The following DNAH6 variants were observed in gnomAD, a reference collection of about 807,000 sequenced individuals.
DNAH6 encodes dynein axonemal heavy chain 6, also known as axonemal beta dynein heavy chain 6.
A neutral mutation model predicts 491.4 loss-of-function variants in DNAH6; 340 were observed. The observed-to-expected ratio is 0.69, with a 90% CI of 0.63 to 0.76. The LOEUF is 0.76. Among genes scored for constraint, DNAH6 ranks in the 30% least tolerant of loss-of-function variants. The probability of loss-of-function intolerance (pLI) is 0.00; values close to 1 mark genes in which losing one functional copy is unlikely to be tolerated. For synonymous variants in DNAH6, 1,603 were observed against 1,686.1 expected (o/e 0.95, Z 1.21); for missense variants, 4,443 against 4,972.2 (o/e 0.89, Z 3.20).
chr2:84,477,544 G>T, the DNAH6 span, among the ~76,000 whole-genome samples: 1 of 152,174 alleles, frequency 6.6e-6, no homozygotes. Context: ...TAGTGGGGAT[G>T]GGGGGATAGC....
At chr2:84,706,446 TA>T (rs1696447050) in intron 52 of DNAH6, among the ~76,000 whole-genome samples, 1 of 152,190 alleles carries the variant, frequency 6.6e-6, no homozygotes, top group Non-Finnish European at 1.5e-5. Flanking sequence ...TCTAATTATT[TA>T]AAAATGTAAA....
At chr2:84,471,676 T>C in the DNAH6 span, among the ~76,000 whole-genome samples, 1 of 152,200 alleles carries the variant, frequency 6.6e-6, no homozygotes, top group African/African-American at 2.4e-5. Context: ...TCCCGTTCCA[T>C]GGTCGTACAC....
At chr2:84,568,010 C>A (rs1333771988) in intron 11 of DNAH6, among the ~76,000 whole-genome samples, 1 of 152,044 alleles carries the variant, frequency 6.6e-6, no homozygotes, top group Non-Finnish European at 1.5e-5. Context: ...TAGAGAAATG[C>A]AAATCAAAAC....
chr2:84,621,160 C>G, intron 24 of DNAH6, 31 bp from the exon 25 acceptor site: 1 of 1,548,894 alleles, frequency 6.5e-7, no homozygotes, highest in Non-Finnish European at 8.7e-7. Context: ...CCCACACAAG[C>G]CACTTTATCA....
chr2:84,539,742 G>C (rs1318159158), intron 4 of DNAH6, among the ~76,000 whole-genome samples: 1 of 152,122 alleles, frequency 6.6e-6, no homozygotes, highest in Non-Finnish European at 1.5e-5. Context: ...ATTGACCATA[G>C]AGCACTCTCC....
At chr2:84,808,169 GTA>G (rs1679625108) in intron 71 of DNAH6, among the ~76,000 whole-genome samples, 1 of 148,680 alleles carries the variant, frequency 6.7e-6, no homozygotes, top group African/African-American at 2.5e-5. Flanking sequence ...GTGTGTGTGT[GTA>G]TGCCCTGATA....
chr2:84,750,482 G>A (rs1409749915), intron 63 of DNAH6, among the ~76,000 whole-genome samples: 1 of 152,092 alleles, frequency 6.6e-6, no homozygotes, highest in Non-Finnish European at 1.5e-5. Flanking sequence ...ACCATGCCTG[G>A]CCTATGTGGT....
intron 11 of DNAH6, 95 bp from the exon 12 acceptor site, chr2:84,573,372 T>C: frequency 9.6e-7 from 1 of 1,040,158 alleles, no homozygotes; most frequent in Non-Finnish European, 1.4e-6. Flanking sequence ...GGCATAGAGT[T>C]TGTGTGCTTG....
intron 11 of DNAH6, among the ~76,000 whole-genome samples, chr2:84,571,988 T>C (rs1223531626): frequency 6.6e-6 from 1 of 152,090 alleles, no homozygotes; most frequent in Non-Finnish European, 1.5e-5. Context: ...GGTAGAAAAG[T>C]AGACCAGAAC....
rs1319937567 is a variant in DNAH6, at chr2:84,813,986, A to T, written c.12014A>T (p.His4005Leu). Residue 4005 changes from histidine (H) to leucine (L), a missense_variant, in exon 75 of 77, where the codon CAT (histidine) becomes CTT (leucine). Physicochemically the swap from His to Leu is moderately conservative, Grantham distance 99. Around this residue, in one of 3 missense-constraint regions of DNAH6, gnomAD observed 1,463 missense variants for 1,656.6 expected, o/e 0.88. Transcript: ENST00000389394. Reference protein sequence around the residue: ...QGFLTGTLQNHARKYNLPIDE... With the variant: ...QGFLTGTLQNLARKYNLPIDE... ...ACAATTACAGGAACTCTTCAAAATCATGCTCGAAAATACAATTTGCCTATA... is the reference window on the plus strand; with the variant it reads ...ACAATTACAGGAACTCTTCAAAATCTTGCTCGAAAATACAATTTGCCTATA... 39 of 1,551,636 alleles carry T rather than the reference A, an allele frequency of 2.5e-5. No homozygotes were observed. Among genetic ancestry groups the T allele is most frequent in the Non-Finnish European group, 2.9e-5 (33 of 1,147,006 alleles).
At chr2:84,787,476 A>C (rs569043484) in intron 68 of DNAH6, among the ~76,000 whole-genome samples, 174 bp downstream of exon 68, 1 of 152,162 alleles carries the variant, frequency 6.6e-6, no homozygotes, top group Admixed American at 6.5e-5. Context: ...TAAGGACATC[A>C]TGAGAATATT....
intron 18 of DNAH6, among the ~76,000 whole-genome samples, chr2:84,598,372 C>T (rs921962025): frequency 6.6e-6 from 1 of 151,928 alleles, no homozygotes; most frequent in Non-Finnish European, 1.5e-5. Flanking sequence ...TATAGATGTA[C>T]CATAGTTTGT....
At chr2:84,710,437 A>G in intron 56 of DNAH6, 25 bp downstream of exon 56, 1 of 1,550,240 alleles carries the variant, frequency 6.5e-7, no homozygotes, top group East Asian at 2.4e-5. Flanking sequence ...TCCTTTTCTC[A>G]TGTCAGTTCC....
chr2:84,654,729 GA>G lies in DNAH6; in HGVS notation c.5706del (p.Glu1902AspfsTer2). 6.4e-7 allele frequency: 1 copy of G among 1,551,236 alleles called. No individual in the cohort carries two copies. Among genetic ancestry groups the G allele is most frequent in the Non-Finnish European group, 8.7e-7 (1 of 1,146,432 alleles). On this transcript the variant is annotated frameshift_variant, in exon 35 of 77. Coordinates refer to ENST00000389394, the MANE Select transcript of DNAH6 (RefSeq NM_001370.2). LOFTEE classifies it high-confidence loss of function. ...TGGAATGGTGTTTGTGGATCCTGAA[GA>G]ACTGAAATGGATGCCTTATGTTAAA... ...RCGMVFVDPE[E>X]LKWMPYVKTW...
intron 11 of DNAH6, among the ~76,000 whole-genome samples, chr2:84,567,206 G>A (rs919113555): frequency 1.3e-5 from 2 of 152,016 alleles, no homozygotes; most frequent in Non-Finnish European, 2.9e-5. Flanking sequence ...ACATATTATA[G>A]CTGAGGGCTA....
the DNAH6 span, among the ~76,000 whole-genome samples, chr2:84,477,404 T>C: frequency 6.6e-6 from 1 of 152,100 alleles, no homozygotes; most frequent in African/African-American, 2.4e-5. Context: ...TCAGCTTTTT[T>C]CCCAACACTA....
chr2:84,469,737 C>G, the DNAH6 span, among the ~76,000 whole-genome samples: 1 of 152,188 alleles, frequency 6.6e-6, no homozygotes, highest in Non-Finnish European at 1.5e-5. This position sits in a 1 kb window ranked among gnomAD's most constrained non-coding sequence, Gnocchi z 4.0. Flanking sequence ...CTCCCCATGC[C>G]CCACAATCCT....
chr2:84,735,688 G>A (rs1194885141), intron 62 of DNAH6, among the ~76,000 whole-genome samples: 1 of 152,102 alleles, frequency 6.6e-6, no homozygotes, highest in South Asian at 2.1e-4. Flanking sequence ...CTTTAGAGAA[G>A]TGTCTATTCA....
At chr2:84,564,964 T>C (rs538403425) in intron 11 of DNAH6, among the ~76,000 whole-genome samples, 1 of 152,338 alleles carries the variant, frequency 6.6e-6, no homozygotes, top group African/African-American at 2.4e-5. Context: ...TTTTTGCTTT[T>C]AATTCTGTTC....
Sources: allele counts gnomAD v4.1 joint callset (sites outside exome capture counted in the v4.1 genomes callset), GRCh38; gene constraint gnomAD v4.1.1; regional missense constraint gnomAD v4.1.1; non-coding constraint Gnocchi (gnomAD v3.1); transcripts MANE v1.5; gene names NCBI Gene and HGNC (gene_info 2026-07-23, HGNC 2026-07-21).